The following SCN8A variants were observed in gnomAD, a reference collection of about 807,000 sequenced individuals.
The protein encoded by SCN8A is sodium voltage-gated channel alpha subunit 8, also known as sodium channel protein type 8 subunit alpha.
In SCN8A, 30 loss-of-function variants were observed where a neutral mutation model predicts 184.1. That is an observed-to-expected ratio of 0.16 (90% CI 0.12 to 0.22). SCN8A has a LOEUF of 0.22. Ranked by LOEUF, SCN8A falls within the 10% of genes least tolerant of loss-of-function variation. The probability of loss-of-function intolerance (pLI) is 1.00; values close to 1 mark genes in which losing one functional copy is unlikely to be tolerated. For missense variants in SCN8A, 1,057 were observed against 2,498.9 expected, an observed-to-expected ratio of 0.42 and a Z score of 12.30; for synonymous variants, 852 against 907.0, an observed-to-expected ratio of 0.94 and a Z score of 1.09.
chr12:51,799,467 T>C (rs1243768880), intron 26 of SCN8A, among the ~76,000 whole-genome samples: 1 of 152,166 alleles, frequency 6.6e-6, no homozygotes, highest in Non-Finnish European at 1.5e-5. Context: ...GGCGAGTAGT[T>C]ATCTGCAGAA....
intron 11 of SCN8A, among the ~76,000 whole-genome samples, chr12:51,708,410 A>G (rs909434495): frequency 1.3e-5 from 2 of 152,236 alleles, no homozygotes; most frequent in Admixed American, 6.5e-5. Context: ...CATCACATAA[A>G]TAGGTATTTT....
At chr12:51,640,118 C>T (rs1356504554) in intron 1 of SCN8A, among the ~76,000 whole-genome samples, 5 of 146,906 alleles carry the variant, frequency 3.4e-5, no homozygotes, top group African/African-American at 1.0e-4. Flanking sequence ...TCACTGTTGC[C>T]CAGGCTTGTC....
chr12:51,717,579 ACAT>A (rs1941986731), intron 11 of SCN8A, among the ~76,000 whole-genome samples: 4 of 152,218 alleles, frequency 2.6e-5, no homozygotes, highest in African/African-American at 9.6e-5. Flanking sequence ...GGGTGCCCAA[ACAT>A]ACATGTAAGA....
chr12:51,702,680 T>G lies in SCN8A; in HGVS notation c.993-93T>G, dbSNP rs1941711240. The G allele has an allele frequency of 3.1e-6, 3 of 980,430 alleles. No homozygotes were observed. The East Asian group carries it at 9.4e-5, about 31-fold the overall frequency. The allele number at this position is 980,430 out of a possible 1,614,324, so 60.7% of individuals were successfully genotyped here. A position where few individuals can be genotyped will look rare whatever the true frequency, so the allele number is the denominator to read the frequency against. ...TGGTTATTTATTATCTCCAAGGTCA[T>G]GGAGTAAATAGAATTATGTTATTTA... On this transcript the variant is annotated intron_variant, in intron 8 of 26. Coordinates refer to ENST00000627620, the MANE Select transcript of SCN8A (RefSeq NM_001330260.2).
intron 15 of SCN8A, 95 bp downstream of exon 15, chr12:51,762,771 A>G (rs1229889529): frequency 2.6e-6 from 3 of 1,159,772 alleles, no homozygotes; most frequent in Admixed American, 3.7e-5. Context: ...TAAAAAATAT[A>G]TTAGCTGTAT....
In SCN8A at chr12:51,809,845, T is replaced by G. The variant is rs1938833987; in HGVS notation, c.*2416T>G. 1 of 152,260 alleles carries G rather than the reference T, an allele frequency of 6.6e-6. No homozygotes were observed. Among genetic ancestry groups the G allele is most frequent in the Non-Finnish European group, 1.5e-5 (1 of 68,042 alleles). The allele number at this position is 152,260 out of a possible 1,614,324, so 9.4% of individuals were successfully genotyped here. On this transcript the variant is annotated 3_prime_UTR_variant, in exon 27 of 27. Transcript: ENST00000627620. The stretch of plus-strand genomic sequence containing the variant: ...TTCTTTCTTCTTAGAACTTAGATGC[T>G]GTCAGCCAATGTACATCCCCAAACC...
At chr12:51,650,142 C>T (rs1167530439) in intron 1 of SCN8A, among the ~76,000 whole-genome samples, 1 of 152,132 alleles carries the variant, frequency 6.6e-6, no homozygotes, top group African/African-American at 2.4e-5. Context: ...CCAACAAGTT[C>T]CTCATCTCTG....
At chr12:51,756,283 C>T (rs1413861238) in intron 14 of SCN8A, among the ~76,000 whole-genome samples, 1 of 152,198 alleles carries the variant, frequency 6.6e-6, no homozygotes, top group Non-Finnish European at 1.5e-5. Context: ...GCGACATCCT[C>T]CTCACCCTGA....
At chr12:51,645,220 C>A (rs554788619) in intron 1 of SCN8A, among the ~76,000 whole-genome samples, 1 of 149,008 alleles carries the variant, frequency 6.7e-6, no homozygotes, top group Non-Finnish European at 1.5e-5. Context: ...GTCAGCCCCC[C>A]GCCCGGCCAG....
At position 51,681,398 on chromosome 12, in the gene SCN8A, A is replaced by G. The variant is rs77450650; in HGVS notation, c.277-2776A>G. ...ATAATTCCTCCTTCACCCATACTTCATGGGAACCTCATGAGGTTGAATGAG... is the reference window on the plus strand; with the variant it reads ...ATAATTCCTCCTTCACCCATACTTCGTGGGAACCTCATGAGGTTGAATGAG... On this transcript the variant is annotated intron_variant, in intron 2 of 26. Transcript: ENST00000627620. 6.0e-3 allele frequency among the ~76,000 whole-genome samples: 908 copies of G among 152,262 alleles called. 5 individuals are homozygous for G. Among genetic ancestry groups the G allele is most frequent in the African/African-American group, 0.02 (836 of 41,548 alleles).
At chr12:51,685,170 T>G (rs1250090820) in intron 3 of SCN8A, among the ~76,000 whole-genome samples, 2 of 152,216 alleles carry the variant, frequency 1.3e-5, no homozygotes, top group African/African-American at 4.8e-5. Context: ...CCTGAAAGTT[T>G]ATAAGGAAAT....
chr12:51,628,906 C>T (rs1364821072), intron 1 of SCN8A, among the ~76,000 whole-genome samples: 1 of 152,060 alleles, frequency 6.6e-6, no homozygotes, highest in Admixed American at 6.6e-5. Flanking sequence ...ATTACCTGGT[C>T]TTGAGAATTT....
chr12:51,795,117 C>T (rs1041876365), intron 26 of SCN8A, among the ~76,000 whole-genome samples: 1 of 152,084 alleles, frequency 6.6e-6, no homozygotes, highest in African/African-American at 2.4e-5. Context: ...GGGCCAACTA[C>T]AGTTTGAGAG....
At chr12:51,615,809 C>G (rs993532967) in intron 1 of SCN8A, among the ~76,000 whole-genome samples, 3 of 152,160 alleles carry the variant, frequency 2.0e-5, no homozygotes, top group African/African-American at 7.2e-5. Flanking sequence ...CCTCAAACTT[C>G]TGGGCTTAAG....
chr12:51,694,013 A>G (rs1281526071), intron 6 of SCN8A, among the ~76,000 whole-genome samples: 2 of 152,132 alleles, frequency 1.3e-5, no homozygotes, highest in African/African-American at 2.4e-5. Flanking sequence ...GCTCACTGCA[A>G]CCGCCACCTC....
intron 1 of SCN8A, among the ~76,000 whole-genome samples, chr12:51,614,740 A>G (rs1035458562): frequency 6.8e-6 from 1 of 147,638 alleles, no homozygotes; most frequent in East Asian, 2.0e-4. Context: ...ACTTACATTT[A>G]TCGTATTTAA....
At chr12:51,606,721 A>G (rs1209391708) in intron 1 of SCN8A, among the ~76,000 whole-genome samples, 4 of 152,084 alleles carry the variant, frequency 2.6e-5, no homozygotes, top group African/African-American at 9.7e-5. Flanking sequence ...ATCCATGAGC[A>G]TGGGATGTGT....
At chr12:51,725,446 G>GA (rs1281707841) in intron 12 of SCN8A, among the ~76,000 whole-genome samples, 1 of 152,136 alleles carries the variant, frequency 6.6e-6, no homozygotes, top group Non-Finnish European at 1.5e-5. Flanking sequence ...GTTTTCTGTA[G>GA]TGAGCATAAT....
chr12:51,777,769 G>T (rs1370843577), intron 20 of SCN8A, among the ~76,000 whole-genome samples: 1 of 152,130 alleles, frequency 6.6e-6, no homozygotes, highest in Non-Finnish European at 1.5e-5. Flanking sequence ...CTGAAGAGCT[G>T]GGATCTTCTT....
Sources: gnomAD v4.1 joint callset for allele counts (sites outside exome capture counted in the v4.1 genomes callset) on GRCh38, gnomAD v4.1.1 for gene constraint, MANE v1.5 for transcripts, NCBI Gene and HGNC (gene_info 2026-07-23, HGNC 2026-07-21) for gene names.